Variants in WWOX observed in about 807,000 individuals in gnomAD.
WWOX encodes WW domain-containing oxidoreductase.
Under a neutral mutation model 46.2 loss-of-function variants are expected in WWOX, and 69 were observed. That is an observed-to-expected ratio of 1.49 (90% CI 1.23 to 1.82). The LOEUF is 1.82. Ranked by LOEUF, WWOX falls within the 40% of genes most tolerant of loss-of-function variation. WWOX has a pLI of 0.00. For missense variants in WWOX, 919 were observed against 542.6 expected, an observed-to-expected ratio of 1.69 and a Z score of -6.89; for synonymous variants, 359 against 202.6, an observed-to-expected ratio of 1.77 and a Z score of -6.56.
At chr16:78,103,301 A>C (rs537540745) in intron 1 of WWOX, among the ~76,000 whole-genome samples, 1 of 149,678 alleles carries the variant, frequency 6.7e-6, no homozygotes, top group African/African-American at 2.5e-5. Context: ...ATACATGTGC[A>C]GGATGTGCAG....
chr16:78,906,520 C>T (rs2044969038), intron 8 of WWOX, among the ~76,000 whole-genome samples: 2 of 152,130 alleles, frequency 1.3e-5, no homozygotes, highest in Admixed American at 1.3e-4. Context: ...CAAAATCAGG[C>T]CACGATTGCA....
intron 5 of WWOX, among the ~76,000 whole-genome samples, chr16:78,385,114 A>G (rs2082033147): frequency 8.2e-6 from 1 of 121,872 alleles, no homozygotes; most frequent in Admixed American, 7.7e-5. Context: ...AGCCTGGGCG[A>G]CAGAGTGAGA....
intron 6 of WWOX, among the ~76,000 whole-genome samples, chr16:78,391,345 C>T (rs1032403438): frequency 1.3e-5 from 2 of 152,184 alleles, no homozygotes; most frequent in African/African-American, 4.8e-5. Flanking sequence ...TTATAAGAGT[C>T]CTGCACACTT....
intron 8 of WWOX, among the ~76,000 whole-genome samples, chr16:79,150,350 C>T (rs1007957741): frequency 6.6e-6 from 1 of 152,124 alleles, no homozygotes; most frequent in Non-Finnish European, 1.5e-5. Flanking sequence ...GGAGATAAAG[C>T]CCTGTTAATA....
intron 8 of WWOX, among the ~76,000 whole-genome samples, chr16:79,170,638 G>T (rs1210956721): frequency 6.6e-6 from 1 of 151,010 alleles, no homozygotes; most frequent in East Asian, 2.0e-4. Flanking sequence ...ATTAAAAAAT[G>T]GAACTCACTT....
intron 8 of WWOX, among the ~76,000 whole-genome samples, chr16:78,932,973 A>G (rs1185430228): frequency 6.6e-6 from 1 of 152,220 alleles, no homozygotes; most frequent in Non-Finnish European, 1.5e-5. Context: ...GTGTTGAATC[A>G]ATAGACCACG....
intron 8 of WWOX, among the ~76,000 whole-genome samples, chr16:78,720,604 G>C (rs1242550700): frequency 6.6e-6 from 1 of 151,586 alleles, no homozygotes; most frequent in Non-Finnish European, 1.5e-5. Context: ...CACCATATTT[G>C]TCCTAGGAAA....
chr16:79,029,774 C>T (rs1032593314), intron 8 of WWOX, among the ~76,000 whole-genome samples: 3 of 151,990 alleles, frequency 2.0e-5, no homozygotes, highest in East Asian at 1.9e-4. Flanking sequence ...ATTAATTGTA[C>T]CCTGGATTTA....
At chr16:78,192,324 G>T (rs552984113) in intron 5 of WWOX, among the ~76,000 whole-genome samples, 1 of 151,874 alleles carries the variant, frequency 6.6e-6, no homozygotes, top group East Asian at 1.9e-4. Flanking sequence ...GCAAAACTCC[G>T]TCTCTACTAA....
At position 79,202,928 on chromosome 16, in the gene WWOX, A is replaced by C. The variant is rs139685196; in HGVS notation, c.1057-8680A>C. The C allele has an allele frequency of 7.2e-5, 11 of 152,324 alleles. 1 individual carries two copies. The highest frequency in any genetic ancestry group is 2.6e-4 in the African/African-American group (11 of 41,572). 9.4% of individuals were successfully genotyped at this position (152,324 alleles called of 1,614,324 possible). A position where few individuals can be genotyped will look rare whatever the true frequency, so the allele number is the denominator to read the frequency against. On this transcript the variant is annotated intron_variant, in intron 8 of 8. Coordinates refer to ENST00000566780, the MANE Select transcript of WWOX (RefSeq NM_016373.4). ...ATAATATTTGCATGATAGAATGCAAACTTTAAAAAAGACATACCTTTGTAA... is the reference window on the plus strand; with the variant it reads ...ATAATATTTGCATGATAGAATGCAACCTTTAAAAAAGACATACCTTTGTAA...
intron 8 of WWOX, among the ~76,000 whole-genome samples, chr16:78,993,314 A>T (rs1354594832): frequency 6.6e-6 from 1 of 152,134 alleles, no homozygotes; most frequent in African/African-American, 2.4e-5. Flanking sequence ...TTTTATAATT[A>T]AAAAGGGAAT....
chr16:78,333,805 G>C (rs2151894205), intron 5 of WWOX, among the ~76,000 whole-genome samples: 1 of 152,280 alleles, frequency 6.6e-6, no homozygotes, highest in African/African-American at 2.4e-5. Flanking sequence ...TTTTCTTGAA[G>C]ACATACTTGA....
At chr16:78,841,997 T>C (rs2052163881) in intron 8 of WWOX, among the ~76,000 whole-genome samples, 1 of 152,120 alleles carries the variant, frequency 6.6e-6, no homozygotes, top group African/African-American at 2.4e-5. Context: ...GGAAGGGGGA[T>C]ATAAGAGACA....
At chr16:78,105,635 G>A (rs1252721217) in intron 1 of WWOX, among the ~76,000 whole-genome samples, 1 of 152,044 alleles carries the variant, frequency 6.6e-6, no homozygotes, top group African/African-American at 2.4e-5. Context: ...AGTTCCTTTG[G>A]AAAGTATTCA....
chr16:78,830,686 C>T (rs917875488), intron 8 of WWOX, among the ~76,000 whole-genome samples: 27 of 151,754 alleles, frequency 1.8e-4, no homozygotes, highest in African/African-American at 2.7e-4. Flanking sequence ...CTGACAGGTA[C>T]GGCCGTGCAG....
At chr16:78,798,199 C>T (rs1021593132) in intron 8 of WWOX, among the ~76,000 whole-genome samples, 4 of 152,020 alleles carry the variant, frequency 2.6e-5, no homozygotes, top group Admixed American at 6.6e-5. Context: ...ACAACGTGAG[C>T]AAGAAAGGAT....
rs182176437 is a variant in WWOX at position 78,539,403 on chromosome 16, A to C, written c.1056+106651A>C. The stretch of plus-strand genomic sequence containing the variant: ...AGCCATTGTTGTAGCCTTAGAAAAC[A>C]TACAGCATTATTTTAGGGGGAGAGG... On this transcript the variant is annotated intron_variant, in intron 8 of 8. Coordinates refer to ENST00000566780, the MANE Select transcript of WWOX (RefSeq NM_016373.4). Among the ~76,000 whole-genome samples, 6 of 152,340 alleles carry C rather than the reference A, an allele frequency of 3.9e-5. No homozygotes were observed. In the East Asian group the frequency reaches 7.7e-4, roughly 20 times the overall value.
chr16:78,156,672 C>G (rs545859018), intron 4 of WWOX, among the ~76,000 whole-genome samples: 2 of 152,228 alleles, frequency 1.3e-5, no homozygotes, highest in East Asian at 3.9e-4. Context: ...GCCTGTAATC[C>G]CAGCACTTTG....
At chr16:78,385,011 G>C (rs2082030860) in intron 5 of WWOX, among the ~76,000 whole-genome samples, 2 of 152,152 alleles carry the variant, frequency 1.3e-5, no homozygotes, top group African/African-American at 4.8e-5. Flanking sequence ...GCACGCACCT[G>C]TAGTCCCAGC....
Sources: allele counts gnomAD v4.1 joint callset (sites outside exome capture counted in the v4.1 genomes callset), GRCh38; gene constraint gnomAD v4.1.1; transcripts MANE v1.5; gene names NCBI Gene and HGNC (gene_info 2026-07-23, HGNC 2026-07-21).